The following SLC30A9 variants were observed in gnomAD, a reference collection of about 807,000 sequenced individuals.
The protein encoded by SLC30A9 is solute carrier family 30 member 9.
In SLC30A9, 58 loss-of-function variants were observed where a neutral mutation model predicts 87.5. The observed-to-expected ratio is 0.66, with a 90% CI of 0.54 to 0.82. The LOEUF is 0.82. Ranked by LOEUF, SLC30A9 falls within the 40% of genes least tolerant of loss-of-function variation. SLC30A9 has a pLI of 0.00. For synonymous variants in SLC30A9, 234 were observed against 233.0 expected (o/e 1.00, Z -0.04); for missense variants, 557 against 679.1 (o/e 0.82, Z 2.00).
intron 9 of SLC30A9, among the ~76,000 whole-genome samples, chr4:42,051,554 A>G (rs1420925438): frequency 6.6e-6 from 1 of 152,226 alleles, no homozygotes; most frequent in African/African-American, 2.4e-5. Context: ...AATCAAAGGT[A>G]TAAAAAATAA....
chr4:42,035,260 T>C lies in SLC30A9; in HGVS notation c.611-15T>C. The C allele has an allele frequency of 1.3e-6, 2 of 1,588,042 alleles. No homozygotes were observed. Among genetic ancestry groups the C allele is most frequent in the Non-Finnish European group, 1.7e-6 (2 of 1,160,144 alleles). On this transcript the variant is annotated splice_polypyrimidine_tract_variant and intron_variant, in intron 6 of 17. Coordinates refer to ENST00000264451, the MANE Select transcript of SLC30A9 (RefSeq NM_006345.4). ...AGAATATCTATGACCTAAATTTATTTTGTTATTCTTACAGGGCTATTTAGA... is the reference window on the plus strand; with the variant it reads ...AGAATATCTATGACCTAAATTTATTCTGTTATTCTTACAGGGCTATTTAGA...
chr4:42,049,552 A>G (rs1181180749), intron 9 of SLC30A9, 73 bp downstream of exon 9: 36 of 778,866 alleles, frequency 4.6e-5, no homozygotes, highest in East Asian at 1.9e-4. Flanking sequence ...AAGTTGATCT[A>G]TTTTAAAACT....
At chr4:42,018,482 C>T (rs1385503575) in intron 3 of SLC30A9, 1 of 1,165,904 alleles carries the variant, frequency 8.6e-7, no homozygotes, top group East Asian at 6.4e-5. Context: ...CCACACTTTT[C>T]AGCTACTGCT....
rs1396801691 is a variant in SLC30A9 at position 42,086,811 on chromosome 4, C to CT, written c.*691dup. On this transcript the variant is annotated 3_prime_UTR_variant, in exon 18 of 18. Transcript: ENST00000264451. ...TGTAAAATTTCTTTTTTCTTCTTTG[C>CT]TTTTTTCCCCTTATTTGGTTTAATT... is the stretch of plus-strand genomic sequence containing the variant. 1.3e-5 allele frequency: 2 copies of CT among 152,400 alleles called. No homozygotes were observed. Among genetic ancestry groups the CT allele is most frequent in the Admixed American group, 6.6e-5 (1 of 15,252 alleles). The allele number at this position is 152,400 out of a possible 1,614,324, so 9.4% of individuals were successfully genotyped here. A position where few individuals can be genotyped will look rare whatever the true frequency, so the allele number is the denominator to read the frequency against.
chr4:42,074,672 T>C (rs1718450244), intron 15 of SLC30A9, among the ~76,000 whole-genome samples: 1 of 152,112 alleles, frequency 6.6e-6, no homozygotes, highest in Non-Finnish European at 1.5e-5. Flanking sequence ...GGTTTTATCA[T>C]GTATAAAATA....
intron 9 of SLC30A9, among the ~76,000 whole-genome samples, chr4:42,053,176 C>A (rs1717453710): frequency 6.6e-6 from 1 of 152,260 alleles, no homozygotes. Context: ...CTCTGCATAT[C>A]CACTATAATG....
chr4:42,055,551 TA>T (rs1410510741), intron 9 of SLC30A9, among the ~76,000 whole-genome samples: 1 of 152,176 alleles, frequency 6.6e-6, no homozygotes, highest in African/African-American at 2.4e-5. Context: ...CACGCCCGGC[TA>T]GTTTTTTGTA....
rs971352429 is a variant in SLC30A9, at chr4:42,023,224, T to C, written c.528-78T>C. On this transcript the variant is annotated intron_variant, in intron 5 of 17. Transcript: ENST00000264451. Reference sequence around the variant, plus strand: ...TTACACTTTGTTGTAAGATTCTCATTAGAGAATTTAGATTTAAATGTGATG... The same window carrying C: ...TTACACTTTGTTGTAAGATTCTCATCAGAGAATTTAGATTTAAATGTGATG... 3 of 974,522 alleles carry C rather than the reference T, an allele frequency of 3.1e-6. No homozygotes were observed. The African/African-American group carries it at 4.9e-5, about 16-fold the overall frequency. 60.4% of individuals were successfully genotyped at this position (974,522 alleles called of 1,614,324 possible).
intron 1 of SLC30A9, among the ~76,000 whole-genome samples, chr4:41,995,253 T>A (rs1379319435): frequency 1.3e-5 from 2 of 152,006 alleles, no homozygotes; most frequent in African/African-American, 4.8e-5. Context: ...AGAGCAAAAC[T>A]CCGTCCCCCC....
At chr4:42,004,818 A>C (rs1004643253) in intron 2 of SLC30A9, among the ~76,000 whole-genome samples, 2 of 151,570 alleles carry the variant, frequency 1.3e-5, no homozygotes, top group African/African-American at 2.4e-5. Flanking sequence ...CGCCCAGCTA[A>C]TTTATTTTTA....
In SLC30A9 at chr4:42,049,366, T is replaced by C; in HGVS notation, c.738-11T>C. The C allele has an allele frequency of 6.4e-7, 1 of 1,570,130 alleles. No individual in the cohort carries two copies. The highest frequency in any genetic ancestry group is 8.7e-7 in the Non-Finnish European group (1 of 1,147,912). On this transcript the variant is annotated splice_polypyrimidine_tract_variant and intron_variant, in intron 8 of 17. Transcript: ENST00000264451. The stretch of plus-strand genomic sequence containing the variant: ...AAACCTATGCTAAATTGTTTTCTCT[T>C]TCTCTTCTAGCAATGGATTAAACTG...
chr4:42,044,091 G>A (rs185396756), intron 8 of SLC30A9, among the ~76,000 whole-genome samples: 5,691 of 152,222 alleles, frequency 0.037, 137 homozygotes, highest in African/African-American at 0.042. Context: ...ACTGGTACCA[G>A]CCACTGCAAA....
At chr4:41,994,136 G>A (rs962446453) in intron 1 of SLC30A9, among the ~76,000 whole-genome samples, 2 of 150,200 alleles carry the variant, frequency 1.3e-5, no homozygotes, top group African/African-American at 2.4e-5. Context: ...CAGCCTGGGC[G>A]ACGAGCGAAA....
chr4:41,995,865 A>G (rs56179953), intron 1 of SLC30A9, among the ~76,000 whole-genome samples: 4 of 152,184 alleles, frequency 2.6e-5, no homozygotes, highest in Non-Finnish European at 4.4e-5. Flanking sequence ...TAGCGCCACC[A>G]TGCCCAGCTA....
rs776363176 is a variant in SLC30A9, at chr4:42,060,192, G to T, written c.842G>T (p.Gly281Val). ...IHSLSDTCNQ[G>V]LLALGISKSV... ...ACCTTTTTTTCTTCTTCTTCATAGG[G>T]TTTACTAGCATTGGGCATCAGTAAG... The change falls in exon 10 of 18, where the codon GGT (glycine) becomes GTT (valine). Residue 281 changes from glycine (G) to valine (V), a missense_variant and splice_region_variant. Gly to Val is a moderately radical substitution (Grantham distance 109). Transcript: ENST00000264451. The T allele has an allele frequency of 1.1e-5, 18 of 1,609,774 alleles. No individual in the cohort carries two copies. The highest frequency in any genetic ancestry group is 8.0e-5 in the African/African-American group (6 of 74,770).
chr4:42,025,490 AT>A (rs1374766403), intron 6 of SLC30A9, among the ~76,000 whole-genome samples: 1 of 152,144 alleles, frequency 6.6e-6, no homozygotes, highest in Non-Finnish European at 1.5e-5. Flanking sequence ...TAAGGAGTAT[AT>A]TTGTGTGACC....
At chr4:42,085,261 A>G (rs1718883756) in intron 17 of SLC30A9, among the ~76,000 whole-genome samples, 1 of 152,234 alleles carries the variant, frequency 6.6e-6, no homozygotes. Flanking sequence ...CTCATGAGCA[A>G]AATGGCTGTC....
At chr4:42,041,469 C>T (rs1716920957) in intron 8 of SLC30A9, among the ~76,000 whole-genome samples, 1 of 152,142 alleles carries the variant, frequency 6.6e-6, no homozygotes, top group Admixed American at 6.5e-5. Context: ...GGTACAGGCA[C>T]ACACCTGGAA....
chr4:42,088,596 A>T lies in SLC30A9; in HGVS notation c.*2470A>T, dbSNP rs1719004227. 1 of 152,588 alleles carries T rather than the reference A, an allele frequency of 6.6e-6. No individual in the cohort carries two copies. Among genetic ancestry groups the T allele is most frequent in the African/African-American group, 2.4e-5 (1 of 41,462 alleles). 9.5% of individuals were successfully genotyped at this position (152,588 alleles called of 1,614,324 possible). A position where few individuals can be genotyped will look rare whatever the true frequency, so the allele number is the denominator to read the frequency against. ...ACGAAGGGGAAGCAGTCATAGCCAG[A>T]GGAAGAGCAAGAGGCGGGGATTGGG... On this transcript the variant is annotated 3_prime_UTR_variant, in exon 18 of 18. Coordinates refer to ENST00000264451, the MANE Select transcript of SLC30A9 (RefSeq NM_006345.4).
Sources: allele counts gnomAD v4.1 joint callset (sites outside exome capture counted in the v4.1 genomes callset), GRCh38; gene constraint gnomAD v4.1.1; transcripts MANE v1.5; gene names NCBI Gene and HGNC (gene_info 2026-07-23, HGNC 2026-07-21).